Variants in RBBP9 observed in about 807,000 individuals in gnomAD.
RBBP9 encodes serine hydrolase RBBP9.
RBBP9 carries 20 observed loss-of-function variants against 24.2 expected under a neutral mutation model. The ratio of observed to expected loss-of-function variants is 0.83; its 90% CI spans 0.58 to 1.20. The LOEUF (loss-of-function observed/expected upper bound fraction) is 1.20, where lower values mean the gene tolerates loss of function less well. RBBP9 is among the 50% of genes most tolerant of loss of function. The probability of loss-of-function intolerance (pLI) is 0.00; values close to 1 mark genes in which losing one functional copy is unlikely to be tolerated. For missense variants in RBBP9, 234 were observed against 233.6 expected (o/e 1.00, Z -0.01); for synonymous variants, 74 against 84.6 (o/e 0.87, Z 0.69).
Position 18,497,203 on chromosome 20 carries a change from C to T in RBBP9, c.-36G>A. ...AGGCCAGAGTTCCCCAGCGCGGGTC[C>T]AGCGGAGCTGAGCCCAGCCTGCTCC... On this transcript the variant is annotated 5_prime_UTR_variant, in exon 1 of 5. Transcript: ENST00000337227. The T allele has an allele frequency of 1.9e-6, 3 of 1,559,784 alleles. No individual in the cohort carries two copies. The highest frequency in any genetic ancestry group is 2.6e-6 in the Non-Finnish European group (3 of 1,133,060).
chr20:18,495,074 C>T (rs1178103072), intron 2 of RBBP9, among the ~76,000 whole-genome samples: 1 of 151,462 alleles, frequency 6.6e-6, no homozygotes, highest in Non-Finnish European at 1.5e-5. Flanking sequence ...GCCACCACCC[C>T]GTCTGGGAGG....
chr20:18,496,010 A>G, intron 1 of RBBP9, 130 bp from the exon 2 acceptor site: 1 of 775,858 alleles, frequency 1.3e-6, no homozygotes, highest in Non-Finnish European at 2.0e-6. Flanking sequence ...GAAATGAAGT[A>G]GGTTAAGTGA....
Position 18,493,945 on chromosome 20 carries a change from A to G in RBBP9, c.248+13T>C. On this transcript the variant is annotated intron_variant, in intron 3 of 4. Transcript: ENST00000337227. ...AGCCCACAAAGGGGATAGCAGTTTA[A>G]CAAAGATCGCACCTCATGGCCGCGA... The G allele has an allele frequency of 6.3e-7, 1 of 1,590,380 alleles. No individual in the cohort carries two copies. Among genetic ancestry groups the G allele is most frequent in the Non-Finnish European group, 8.6e-7 (1 of 1,168,046 alleles).
At position 18,490,450 on chromosome 20, in the gene RBBP9, A is replaced by G; in HGVS notation, c.279T>C (p.Ile93=). 2 of 1,613,656 alleles carry G rather than the reference A, an allele frequency of 1.2e-6. No individual in the cohort carries two copies. Among genetic ancestry groups the G allele is most frequent in the Non-Finnish European group, 8.5e-7 (1 of 1,179,654 alleles). ...CTGATGTGTACGCAGACACTAATAC[A>G]ATAGCATATACTCGATGTGTTTCTG... ...RYAETHRVYA[I]VLVSAYTSDL... is the part of the protein sequence containing the mutation. The change falls in exon 4 of 5, where the codon ATT becomes ATC. Residue 93 remains isoleucine (I), a synonymous_variant. Transcript: ENST00000337227.
intron 3 of RBBP9, 92 bp downstream of exon 3, chr20:18,493,866 C>T (rs1450828089): frequency 6.2e-5 from 62 of 1,003,008 alleles, no homozygotes; most frequent in Non-Finnish European, 8.4e-5. Flanking sequence ...ACTGTTTCCT[C>T]TGCAACAGAA....
At chr20:18,493,438 A>G (rs913221715) in intron 3 of RBBP9, among the ~76,000 whole-genome samples, 3 of 152,212 alleles carry the variant, frequency 2.0e-5, no homozygotes, top group Admixed American at 6.5e-5. Flanking sequence ...GCTGCAGATA[A>G]TAAGATATAA....
rs1168745051 is a variant in RBBP9 at position 18,490,445 on chromosome 20, A to T, written c.284T>A (p.Leu95Ter). The change falls in exon 4 of 5, where the codon TTA (leucine) becomes TAA (stop). Residue 95 changes from leucine (L) to a stop codon, truncating the protein, a stop_gained. Coordinates refer to ENST00000337227, the MANE Select transcript of RBBP9 (RefSeq NM_006606.3). LOFTEE classifies it high-confidence loss of function. Reference protein sequence around the residue: ...AETHRVYAIVLVSAYTSDLGD... With the variant: ...AETHRVYAIV ...CAAGTCTGATGTGTACGCAGACACTAATACAATAGCATATACTCGATGTGT... is the reference window on the plus strand; with the variant it reads ...CAAGTCTGATGTGTACGCAGACACTTATACAATAGCATATACTCGATGTGT... The T allele has an allele frequency of 1.9e-6, 3 of 1,613,776 alleles. No individual in the cohort carries two copies. The highest frequency in any genetic ancestry group is 1.7e-6 in the Non-Finnish European group (2 of 1,179,718).
rs151179936 is a variant in RBBP9 at position 18,489,858 on chromosome 20, T to C, written c.467A>G (p.Lys156Arg). The C allele has an allele frequency of 4.3e-6, 7 of 1,614,016 alleles. No individual in the cohort carries two copies. The African/African-American group carries it at 9.3e-5, about 22-fold the overall frequency. The change falls in exon 5 of 5, where the codon AAA (lysine) becomes AGA (arginine). Residue 156 changes from lysine (K) to arginine (R), a missense_variant. Transcript: ENST00000337227. ...GCCACAGTCAGTGAATTTGTGCAAT[T>C]TGGTTTCCAACCTATCGGCCACTTC... is the stretch of plus-strand genomic sequence containing the variant. ...QQEVADRLET[K>R]LHKFTDCGHF...
intron 3 of RBBP9, among the ~76,000 whole-genome samples, chr20:18,492,096 C>CA (rs71194242): frequency 0.01 from 703 of 69,706 alleles, 13 homozygotes; most frequent in East Asian, 0.036. Context: ...GGCTCTGTCT[C>CA]AAAAAAAAAA....
chr20:18,494,261 G>C (rs2059875914), intron 2 of RBBP9, among the ~76,000 whole-genome samples, 198 bp from the exon 3 acceptor site: 1 of 144,572 alleles, frequency 6.9e-6, no homozygotes, highest in Non-Finnish European at 1.5e-5. Flanking sequence ...CCACAGTTTT[G>C]GTAACTAGTT....
At chr20:18,491,439 T>C (rs893506897) in intron 3 of RBBP9, among the ~76,000 whole-genome samples, 2 of 152,174 alleles carry the variant, frequency 1.3e-5, no homozygotes, top group Non-Finnish European at 2.9e-5. Flanking sequence ...ACAAAAGTAA[T>C]TGCAGTTTTT....
Position 18,497,136 on chromosome 20 carries a change from G to A in RBBP9, c.32C>T (p.Pro11Leu), listed in dbSNP as rs377127716. Residue 11 changes from proline (P) to leucine (L), a missense_variant, in exon 1 of 5, where the codon CCC becomes CTC. Pro to Leu is a moderately conservative substitution (Grantham distance 98, BLOSUM62 -3). Transcript: ENST00000337227. ...GGTCACATCCCCGCCTCCGTTCCCG[G>A]GAACAATCACTGCCTTGCTAGGAGA... MASPSKAVIV[P>L]GNGGGDVTTH... The A allele has an allele frequency of 1.9e-6, 3 of 1,614,196 alleles. No homozygotes were observed. Among genetic ancestry groups the A allele is most frequent in the African/African-American group, 1.3e-5 (1 of 75,060 alleles).
At chr20:18,494,953 C>T (rs2059879812) in intron 2 of RBBP9, among the ~76,000 whole-genome samples, 1 of 152,180 alleles carries the variant, frequency 6.6e-6, no homozygotes, top group African/African-American at 2.4e-5. Flanking sequence ...TTACCATGCC[C>T]AGGTGCTTTC....
chr20:18,495,955 G>T, intron 1 of RBBP9, 75 bp from the exon 2 acceptor site: 1 of 1,219,768 alleles, frequency 8.2e-7, no homozygotes, highest in Non-Finnish European at 1.1e-6. Flanking sequence ...TAAGAAATGA[G>T]GCACCTGATA....
In RBBP9 at chr20:18,488,609, T is replaced by C. The variant is rs2059852538; in HGVS notation, c.*1155A>G. On this transcript the variant is annotated 3_prime_UTR_variant, in exon 5 of 5. Coordinates refer to ENST00000337227, the MANE Select transcript of RBBP9 (RefSeq NM_006606.3). ...GAAGTATGATCAGAAGAAAATGGAA[T>C]GTGCTTGAAAGAGATCTAAAGGGCC... is the stretch of plus-strand genomic sequence containing the variant. 1 of 152,234 alleles carries C rather than the reference T, an allele frequency of 6.6e-6. No homozygotes were observed. The highest frequency in any genetic ancestry group is 1.5e-5 in the Non-Finnish European group (1 of 68,048). The allele number at this position is 152,234 out of a possible 1,614,324, so 9.4% of individuals were successfully genotyped here.
At chr20:18,491,452 C>A (rs992559533) in intron 3 of RBBP9, among the ~76,000 whole-genome samples, 1 of 152,076 alleles carries the variant, frequency 6.6e-6, no homozygotes, top group African/African-American at 2.4e-5. Context: ...CAGTTTTTGC[C>A]ATTAAAAGTA....
In RBBP9 at chr20:18,497,078, C is replaced by G. The variant is rs567062195; in HGVS notation, c.90G>C (p.Glu30Asp). ...GGCGTTGGGCGCTTACCTTCTCCAG[C>G]TCCTTTTTCACCCAGCCATACCAGC... is the stretch of plus-strand genomic sequence containing the variant. ...THGWYGWVKK[E>D]LEKIPGFQCL... Residue 30 changes from glutamate (E) to aspartate (D), a missense_variant, in exon 1 of 5, where the codon GAG becomes GAC. Physicochemically the swap from Glu to Asp is conservative, Grantham distance 45. Coordinates refer to ENST00000337227, the MANE Select transcript of RBBP9 (RefSeq NM_006606.3). 6.2e-7 allele frequency: 1 copy of G among 1,614,008 alleles called. No homozygotes were observed. Among genetic ancestry groups the G allele is most frequent in the East Asian group, 2.2e-5 (1 of 44,884 alleles).
rs747567818 is a variant in RBBP9, at chr20:18,489,761, A to G, written c.*3T>C. On this transcript the variant is annotated 3_prime_UTR_variant, in exon 5 of 5. Coordinates refer to ENST00000337227, the MANE Select transcript of RBBP9 (RefSeq NM_006606.3). The stretch of plus-strand genomic sequence containing the variant: ...GGATGCAAAATAGCAGAAATCATAC[A>G]GTCTATGCTGGTACTTTCAGCAAAG... 6.3e-7 allele frequency: 1 copy of G among 1,577,554 alleles called. No homozygotes were observed. Among genetic ancestry groups the G allele is most frequent in the South Asian group, 1.1e-5 (1 of 89,868 alleles).
chr20:18,490,887 C>T (rs539735200), intron 3 of RBBP9, among the ~76,000 whole-genome samples: 1 of 152,264 alleles, frequency 6.6e-6, no homozygotes, highest in Admixed American at 6.5e-5. Flanking sequence ...CCATGTTGGC[C>T]AGGCTGGTCT....
Sources: gnomAD v4.1 joint callset for allele counts (sites outside exome capture counted in the v4.1 genomes callset) on GRCh38, gnomAD v4.1.1 for gene constraint, MANE v1.5 for transcripts, NCBI Gene and HGNC (gene_info 2026-07-23, HGNC 2026-07-21) for gene names.